The following SETD1B variants were observed in gnomAD, a reference collection of about 807,000 sequenced individuals.
SETD1B encodes SET domain containing 1B, histone lysine methyltransferase, also known as histone-lysine N-methyltransferase SETD1B.
SETD1B carries 7 observed loss-of-function variants against 148.0 expected under a neutral mutation model. The ratio of observed to expected loss-of-function variants is 0.05; its 90% CI spans 0.03 to 0.09. SETD1B has a LOEUF of 0.09. SETD1B is among the 10% of genes least tolerant of loss of function. The pLI is 1.00. For synonymous variants in SETD1B, 1,361 were observed against 1,186.5 expected, an observed-to-expected ratio of 1.15 and a Z score of -3.02; for missense variants, 2,155 against 2,729.9, an observed-to-expected ratio of 0.79 and a Z score of 4.69.
the SETD1B span, chr12:121,795,175 C>CA: frequency 6.6e-6 from 1 of 152,348 alleles, no homozygotes; most frequent in Admixed American, 6.5e-5. Flanking sequence ...GGAGGCACCC[C>CA]AGGTTCTCAG....
In SETD1B at chr12:121,804,289, C is replaced by G. The variant is rs1875585473; in HGVS notation, c.-15+56C>G. On this transcript the variant is annotated intron_variant, in intron 1 of 16. Transcript: ENST00000604567. This position sits in a 1 kb window ranked among gnomAD's most constrained non-coding sequence, Gnocchi z 4.6. ...GGCCGGCAGCCGGGCGGCCCAAGCC[C>G]CCGGCCCCGGCCCTGGCCCGAGCGG... The G allele has an allele frequency of 4.8e-5, 7 of 146,360 alleles. No homozygotes were observed. The Middle Eastern group carries it at 0.014, about 288-fold the overall frequency. The allele number at this position is 146,360 out of a possible 1,614,324, so 9.1% of individuals were successfully genotyped here.
Position 121,830,292 on chromosome 12 carries a change from G to A in SETD1B, c.*53G>A, listed in dbSNP as rs1257498056. 64 of 1,507,076 alleles carry A rather than the reference G, an allele frequency of 4.2e-5. No homozygotes were observed. Among genetic ancestry groups the A allele is most frequent in the Middle Eastern group, 4.6e-4 (2 of 4,364 alleles). The allele number at this position is 1,507,076 out of a possible 1,614,324, so 93.4% of individuals were successfully genotyped here. A position where few individuals can be genotyped will look rare whatever the true frequency, so the allele number is the denominator to read the frequency against. Reference sequence around the variant, plus strand: ...AGCCGTAGCCCTGGGACTCCCGAGCGTGGAGCCCCTGGCCCCGGGGCCCGG... The same window carrying A: ...AGCCGTAGCCCTGGGACTCCCGAGCATGGAGCCCCTGGCCCCGGGGCCCGG... On this transcript the variant is annotated 3_prime_UTR_variant, in exon 17 of 17. Coordinates refer to ENST00000604567, the MANE Select transcript of SETD1B (RefSeq NM_001353345.2). This position sits in a 1 kb window ranked among gnomAD's most constrained non-coding sequence, Gnocchi z 5.7.
Position 121,806,018 on chromosome 12 carries a change from A to T in SETD1B, c.457A>T (p.Thr153Ser). 1 of 1,551,660 alleles carries T rather than the reference A, an allele frequency of 6.4e-7. No individual in the cohort carries two copies. Among genetic ancestry groups the T allele is most frequent in the Non-Finnish European group, 8.7e-7 (1 of 1,146,970 alleles). The change falls in exon 4 of 17, where the codon ACG becomes TCG. Residue 153 changes from threonine to serine, a missense_variant. This residue lies in a region of SETD1B where 124 missense variants were observed against 282.9 expected (regional missense o/e 0.44). Coordinates refer to ENST00000604567, the MANE Select transcript of SETD1B (RefSeq NM_001353345.2). The stretch of plus-strand genomic sequence containing the variant: ...GGGCATCGCCAAGGTGGTCTTTGCC[A>T]CGGTCCGGGGAGCCAAGGATGCCGT... ...HLGIAKVVFA[T>S]VRGAKDAVQH...
At chr12:121,825,147 A>G in intron 12 of SETD1B, 53 bp from the exon 13 acceptor site, 1 of 1,528,742 alleles carries the variant, frequency 6.5e-7, no homozygotes. Flanking sequence ...CAGTCTATGA[A>G]GGGACCAGAA....
rs1876364483 is a variant in SETD1B, at chr12:121,817,708, C to T, written c.3312+4C>T. ...AACCTCATCCACATCAGATAAGGTG[C>T]CTAGCAGGCCAGGAAGCCTCAGGGG... is the stretch of plus-strand genomic sequence containing the variant. On this transcript the variant is annotated splice_donor_region_variant and intron_variant, in intron 9 of 16. Transcript: ENST00000604567. This position sits in a 1 kb window ranked among gnomAD's most constrained non-coding sequence, Gnocchi z 8.1. The T allele has an allele frequency of 6.5e-7, 1 of 1,542,106 alleles. No individual in the cohort carries two copies.
upstream of SETD1B, chr12:121,802,402 A>G (rs368104787): frequency 6.6e-6 from 1 of 152,208 alleles, no homozygotes; most frequent in Non-Finnish European, 1.5e-5. Context: ...ACTGCTCACA[A>G]TTTTTTGTTG....
In SETD1B at chr12:121,817,332, T is replaced by C. The variant is rs887397343; in HGVS notation, c.2977+38T>C. On this transcript the variant is annotated intron_variant, in intron 8 of 16. Coordinates refer to ENST00000604567, the MANE Select transcript of SETD1B (RefSeq NM_001353345.2). This position sits in a 1 kb window ranked among gnomAD's most constrained non-coding sequence, Gnocchi z 8.1. ...GGTGCTGGGGTCCCCTTCTTCCGCATCCCCCCAGCCCAGCTCTGACTCCCT... is the reference window on the plus strand; with the variant it reads ...GGTGCTGGGGTCCCCTTCTTCCGCACCCCCCCAGCCCAGCTCTGACTCCCT... 4.5e-5 allele frequency: 70 copies of C among 1,539,088 alleles called. No individual in the cohort carries two copies. Among genetic ancestry groups the C allele is most frequent in the Non-Finnish European group, 5.9e-5 (67 of 1,139,946 alleles).
the SETD1B span, chr12:121,795,336 G>C: frequency 6.6e-6 from 1 of 152,390 alleles, no homozygotes; most frequent in African/African-American, 2.4e-5. Context: ...CAGTCTTAGG[G>C]GAAGCAGTGC....
rs1876328089 is a variant in SETD1B at position 121,817,112 on chromosome 12, T to G, written c.2795T>G (p.Leu932Arg). The change falls in exon 8 of 17, where the codon CTG (leucine) becomes CGG (arginine). Residue 932 changes from leucine to arginine, a missense_variant. Leu to Arg is a moderately radical substitution (Grantham distance 102, BLOSUM62 -2). This residue lies in a region of SETD1B where 289 missense variants were observed against 423.7 expected (regional missense o/e 0.68). Coordinates refer to ENST00000604567, the MANE Select transcript of SETD1B (RefSeq NM_001353345.2). This position sits in a 1 kb window ranked among gnomAD's most constrained non-coding sequence, Gnocchi z 8.1. The part of the protein sequence containing the change: ...PKPKDRIASC[L>R]LESWGKGEGL... The stretch of plus-strand genomic sequence containing the variant: ...CCCAAGGACCGCATCGCCTCGTGCC[T>G]GCTGGAGTCATGGGGCAAGGGCGAG... The G allele has an allele frequency of 1.9e-6, 3 of 1,549,076 alleles. No homozygotes were observed. Among genetic ancestry groups the G allele is most frequent in the Non-Finnish European group, 2.6e-6 (3 of 1,146,882 alleles).
chr12:121,805,019 G>A lies in SETD1B; in HGVS notation c.175-99G>A. 6.8e-7 allele frequency: 1 copy of A among 1,470,012 alleles called. No homozygotes were observed. The highest frequency in any genetic ancestry group is 1.3e-5 in the South Asian group (1 of 76,660). 91.1% of individuals were successfully genotyped at this position (1,470,012 alleles called of 1,614,324 possible). On this transcript the variant is annotated intron_variant, in intron 2 of 16. Transcript: ENST00000604567. This position sits in a 1 kb window ranked among gnomAD's most constrained non-coding sequence, Gnocchi z 4.2. ...ATCCCCCGGCCAACTGTCAGACGGG[G>A]CCCCAGCCCTGGAGTTTGACAAGTG...
chr12:121,817,046 C>G lies in SETD1B; in HGVS notation c.2729C>G (p.Pro910Arg). 6.5e-7 allele frequency: 1 copy of G among 1,528,138 alleles called. No homozygotes were observed. The highest frequency in any genetic ancestry group is 8.8e-7 in the Non-Finnish European group (1 of 1,131,952). 94.7% of individuals were successfully genotyped at this position (1,528,138 alleles called of 1,614,324 possible). The change falls in exon 8 of 17, where the codon CCG becomes CGG. Residue 910 changes from proline to arginine, a missense_variant. By Grantham distance (103) the Pro-to-Arg change is moderately radical. This residue lies in a region of SETD1B where 289 missense variants were observed against 423.7 expected (regional missense o/e 0.68). Transcript: ENST00000604567. This position sits in a 1 kb window ranked among gnomAD's most constrained non-coding sequence, Gnocchi z 8.1. ...KERMAKASLT[P>R]VKSGEHKDED... ...TCTCCACCCCAGGCCTCGCTGACCC[C>G]GGTGAAGTCGGGCGAGCACAAGGAC...
chr12:121,828,380 G>T (rs370908443), intron 16 of SETD1B, among the ~76,000 whole-genome samples: 2 of 152,218 alleles, frequency 1.3e-5, no homozygotes, highest in Non-Finnish European at 2.9e-5. Flanking sequence ...CCTTTTCTCC[G>T]TGCCTTCATT....
chr12:121,822,416 G>A (rs1370150726), intron 11 of SETD1B, 74 bp from the exon 12 acceptor site: 1 of 1,464,430 alleles, frequency 6.8e-7, no homozygotes, highest in African/African-American at 1.4e-5. Context: ...TGCCAGGTAT[G>A]GAGCACAAAA....
chr12:121,797,352 A>G, the SETD1B span: 6 of 430,406 alleles, frequency 1.4e-5, no homozygotes, highest in Non-Finnish European at 2.8e-5. Flanking sequence ...GCCCAGCGCC[A>G]GCAGCGGCCC....
the SETD1B span, chr12:121,793,358 C>A: frequency 7.0e-7 from 1 of 1,430,468 alleles, no homozygotes; most frequent in Non-Finnish European, 9.5e-7. Context: ...CCCCGCTGGG[C>A]TCTGGAATTC....
At position 121,809,842 on chromosome 12, in the gene SETD1B, C is replaced by T. The variant is rs1875929284; in HGVS notation, c.897C>T (p.Leu299=). 2 of 1,551,538 alleles carry T rather than the reference C, an allele frequency of 1.3e-6. No individual in the cohort carries two copies. Among genetic ancestry groups the T allele is most frequent in the Non-Finnish European group, 1.7e-6 (2 of 1,146,990 alleles). Residue 299 remains leucine, a synonymous_variant, in exon 6 of 17, where the codon CTC becomes CTT. Transcript: ENST00000604567. The part of the protein sequence containing the change: ...YSSRQPTPSY[L]FSQDPAVTFK... ...GCCGCCAGCCCACACCCTCATACCT[C>T]TTCAGCCAGGACCCTGCAGTGACCT...
At chr12:121,796,941 G>A in the SETD1B span, among the ~76,000 whole-genome samples, 1 of 152,000 alleles carries the variant, frequency 6.6e-6, no homozygotes, top group Non-Finnish European at 1.5e-5. Context: ...GGAGGCTGAG[G>A]CAGGAGAATC....
At chr12:121,795,885 A>C in the SETD1B span, 1 of 152,652 alleles carries the variant, frequency 6.6e-6, no homozygotes, top group Non-Finnish European at 1.5e-5. Context: ...AAGCTTGCAC[A>C]GAAGTGGAGG....
chr12:121,799,717 T>TGGGGGGGGGAGG (rs1555335213), upstream of SETD1B: 1 of 19,134 alleles, frequency 5.2e-5, no homozygotes, highest in Non-Finnish European at 1.1e-4. Context: ...CGCTCGCAGC[T>TGGGGGGGGGAGG]GGGGGGGGGG....
Sources: gnomAD v4.1 joint callset for allele counts (sites outside exome capture counted in the v4.1 genomes callset) on GRCh38, gnomAD v4.1.1 for gene constraint, gnomAD v4.1.1 regional missense constraint, Gnocchi (gnomAD v3.1) non-coding constraint, MANE v1.5 for transcripts, NCBI Gene and HGNC (gene_info 2026-07-23, HGNC 2026-07-21) for gene names.